Variants in SEZ6 observed in about 807,000 individuals in gnomAD.
The protein encoded by SEZ6 is seizure related 6 homolog.
Under a neutral mutation model 101.0 loss-of-function variants are expected in SEZ6, and 53 were observed. The observed-to-expected ratio is 0.52, with a 90% confidence interval of 0.42 to 0.66. SEZ6 has a LOEUF of 0.66. Among genes scored for constraint, SEZ6 ranks in the 30% least tolerant of loss-of-function variants. The pLI is 0.00. For synonymous variants in SEZ6, 488 were observed against 512.2 expected (o/e 0.95, Z 0.64); for missense variants, 1,102 against 1,289.4 (o/e 0.85, Z 2.23).
At chr17:28,958,898 A>G in intron 10 of SEZ6, 127 bp downstream of exon 10, 5 of 1,074,414 alleles carry the variant, frequency 4.7e-6, no homozygotes, top group Non-Finnish European at 6.6e-6. Flanking sequence ...AGCTTCCTCC[A>G]GGTGATCCCT....
chr17:29,002,091 T>C (rs562986798), intron 1 of SEZ6, among the ~76,000 whole-genome samples: 107 of 149,774 alleles, frequency 7.1e-4, no homozygotes, highest in Middle Eastern at 3.4e-3. Context: ...CTTTCTTCTT[T>C]TTTTTTTTTT....
chr17:28,979,770 G>A lies in SEZ6; in HGVS notation c.768C>T (p.Asp256=). ...TGGGGGAGCTGAGGTCTGTAGGGGA[G>A]TCCAGAGAGCCCTCTGGGCCTGAGA... The part of the protein sequence containing the change: ...WNFSGPEGSL[D]SPTDLSSPTD... The change falls in exon 3 of 17, where the codon GAC becomes GAT. Residue 256 remains aspartate (D), a synonymous_variant. Coordinates refer to ENST00000317338, the MANE Select transcript of SEZ6 (RefSeq NM_178860.5). 1 of 1,613,270 alleles carries A rather than the reference G, an allele frequency of 6.2e-7. No individual in the cohort carries two copies. Among genetic ancestry groups the A allele is most frequent in the Non-Finnish European group, 8.5e-7 (1 of 1,179,590 alleles).
chr17:28,979,102 G>A (rs2041263040), intron 3 of SEZ6, among the ~76,000 whole-genome samples: 1 of 152,152 alleles, frequency 6.6e-6, no homozygotes, highest in South Asian at 2.1e-4. Context: ...GAGCCTGTGG[G>A]ACATCTGTGA....
chr17:28,973,655 T>G (rs1354958726), intron 3 of SEZ6, among the ~76,000 whole-genome samples: 1 of 152,248 alleles, frequency 6.6e-6, no homozygotes, highest in Non-Finnish European at 1.5e-5. Context: ...CTTGTGGGTC[T>G]GCTGCAGTGG....
At chr17:28,977,404 G>T (rs2041235588) in intron 3 of SEZ6, among the ~76,000 whole-genome samples, 4 of 152,274 alleles carry the variant, frequency 2.6e-5, no homozygotes, top group Admixed American at 2.0e-4. Context: ...CAAGGACCCT[G>T]CCCCCATGGC....
chr17:28,974,495 G>A (rs915743477), intron 3 of SEZ6, among the ~76,000 whole-genome samples: 10 of 152,144 alleles, frequency 6.6e-5, no homozygotes, highest in African/African-American at 2.2e-4. Context: ...AAGAACCTTC[G>A]CAGTTTTCAC....
Position 29,004,829 on chromosome 17 carries a change from C to T in SEZ6, c.55+986G>A, listed in dbSNP as rs1057397907. Among the ~76,000 whole-genome samples, 3 of 152,270 alleles carry T rather than the reference C, an allele frequency of 2.0e-5. No individual in the cohort carries two copies. In the South Asian group the frequency reaches 6.2e-4, roughly 32 times the overall value. ...GCTTGTTTGAGCCAGGACGGCAGGT[C>T]CAGACAAGACTCTTCCCCGAGGCAC... On this transcript the variant is annotated intron_variant, in intron 1 of 16. Transcript: ENST00000317338.
rs1475392711 is a variant in SEZ6 at position 29,005,361 on chromosome 17, A to G, written c.55+454T>C. Among the ~76,000 whole-genome samples, 1 of 152,110 alleles carries G rather than the reference A, an allele frequency of 6.6e-6. No homozygotes were observed. The highest frequency in any genetic ancestry group is 2.4e-5 in the African/African-American group (1 of 41,440). ...TCAGTAAGAACACTAGAGGCCCTGG[A>G]ACCGGCGGCAAAGTCGAGCGAAGTT... On this transcript the variant is annotated intron_variant, in intron 1 of 16. Transcript: ENST00000317338. The surrounding 1 kb of genome is among the most constrained non-coding windows in gnomAD (Gnocchi z 4.8).
At position 28,981,679 on chromosome 17, in the gene SEZ6, G is replaced by A. The variant is rs746599273; in HGVS notation, c.416C>T (p.Pro139Leu). ...VPTQPQSKEG[P>L]WSPESESPML... ...AGGGGACTCTGACTCCGGACTCCAG[G>A]GTCCCTCCTTGGACTGGGGCTGAGT... The change falls in exon 2 of 17, where the codon CCC becomes CTC. Residue 139 changes from proline (P) to leucine (L), a missense_variant. Transcript: ENST00000317338. 14 of 1,577,822 alleles carry A rather than the reference G, an allele frequency of 8.9e-6. No homozygotes were observed. Among genetic ancestry groups the A allele is most frequent in the African/African-American group, 8.1e-5 (6 of 74,132 alleles).
At chr17:29,000,586 TGGATGATTCTTA>T (rs995088433) in intron 1 of SEZ6, among the ~76,000 whole-genome samples, 19 of 152,200 alleles carry the variant, frequency 1.2e-4, no homozygotes, top group African/African-American at 4.3e-4. Context: ...ATTGTGGTTC[TGGATGATTCTTA>T]GGCCTCCACC....
In SEZ6 at chr17:29,005,854, G is replaced by C; in HGVS notation, c.16C>G (p.Leu6Val). The C allele has an allele frequency of 6.8e-7, 1 of 1,479,356 alleles. No homozygotes were observed. Among genetic ancestry groups the C allele is most frequent in the Non-Finnish European group, 9.0e-7 (1 of 1,115,470 alleles). 91.6% of individuals were successfully genotyped at this position (1,479,356 alleles called of 1,614,324 possible). A position where few individuals can be genotyped will look rare whatever the true frequency, so the allele number is the denominator to read the frequency against. Reference protein sequence around the residue: MRPVALLLLPSLLALL... With the variant: MRPVAVLLLPSLLALL... ...GCCAGCAGCGAGGGCAGGAGCAGCA[G>C]GGCTACCGGGCGCATGGTGCTGGTT... The change falls in exon 1 of 17, where the codon CTG becomes GTG. Residue 6 changes from leucine to valine, a missense_variant. This residue lies in a region of SEZ6 where 406 missense variants were observed against 418.6 expected (regional missense o/e 0.97). Coordinates refer to ENST00000317338, the MANE Select transcript of SEZ6 (RefSeq NM_178860.5). The surrounding 1 kb of genome is among the most constrained non-coding windows in gnomAD (Gnocchi z 4.8).
rs572950620 is a variant in SEZ6, at chr17:28,993,938, C to G, written c.55+11877G>C. Among the ~76,000 whole-genome samples, 279 of 152,360 alleles carry G rather than the reference C, an allele frequency of 1.8e-3. 1 individual carries two copies. Among genetic ancestry groups the G allele is most frequent in the African/African-American group, 6.4e-3 (265 of 41,580 alleles). ...AGGGGCTTGTTTTGTGCACCAGGAC[C>G]AAAGTTACCTCCCTGACTTTGTGAC... On this transcript the variant is annotated intron_variant, in intron 1 of 16. Coordinates refer to ENST00000317338, the MANE Select transcript of SEZ6 (RefSeq NM_178860.5).
In SEZ6 at chr17:28,981,824, C is replaced by T. The variant is rs1483906515; in HGVS notation, c.271G>A (p.Ala91Thr). Residue 91 changes from alanine to threonine, a missense_variant, in exon 2 of 17, where the codon GCA (alanine) becomes ACA (threonine). Ala to Thr is a moderately conservative substitution (Grantham distance 58, BLOSUM62 0). Around this residue, in one of 3 missense-constraint regions of SEZ6, gnomAD observed 406 missense variants for 418.6 expected, o/e 0.97. Transcript: ENST00000317338. ...LEKGDEELRP[A>T]LPFQPDPPAP... ...GGTGGGTCAGGCTGGAAGGGCAGTG[C>T]TGGCCTCAGCTCCTCATCTCCCTTT... The T allele has an allele frequency of 6.2e-7, 1 of 1,613,878 alleles. No homozygotes were observed. Among genetic ancestry groups the T allele is most frequent in the Non-Finnish European group, 8.5e-7 (1 of 1,179,818 alleles).
rs1682529946 is a variant in SEZ6 at position 28,956,340 on chromosome 17, C to T, written c.2849+10G>A. ...CAGGTATGCAGAGCAGAAAGAGAAG[C>T]CAGACTCACCTGGAGAAGTAGAAGT... is the stretch of plus-strand genomic sequence containing the variant. On this transcript the variant is annotated intron_variant, in intron 15 of 16. Coordinates refer to ENST00000317338, the MANE Select transcript of SEZ6 (RefSeq NM_178860.5). The T allele has an allele frequency of 1.9e-6, 3 of 1,573,596 alleles. No homozygotes were observed. Among genetic ancestry groups the T allele is most frequent in the Non-Finnish European group, 2.6e-6 (3 of 1,159,016 alleles).
At chr17:28,993,636 C>T (rs944734752) in intron 1 of SEZ6, among the ~76,000 whole-genome samples, 2 of 152,208 alleles carry the variant, frequency 1.3e-5, no homozygotes, top group Admixed American at 6.5e-5. Flanking sequence ...ATAGCATCCC[C>T]TCCATCCTTT....
At chr17:28,960,202 A>G in intron 7 of SEZ6, 2 of 573,826 alleles carry the variant, frequency 3.5e-6, no homozygotes, top group East Asian at 3.0e-5. Context: ...TGGTTCTAGA[A>G]TGTCTCTTAC....
At position 28,959,993 on chromosome 17, in the gene SEZ6, G is replaced by T; in HGVS notation, c.1577-101C>A. The T allele has an allele frequency of 7.8e-7, 1 of 1,289,962 alleles. No individual in the cohort carries two copies. The highest frequency in any genetic ancestry group is 1.1e-6 in the Non-Finnish European group (1 of 939,650). The allele number at this position is 1,289,962 out of a possible 1,614,324, so 79.9% of individuals were successfully genotyped here. ...CTCCCCAGAGCCTTTCTTTTCCTGGGTACGAATGACAAATATATGTCCTGG... is the reference window on the plus strand; with the variant it reads ...CTCCCCAGAGCCTTTCTTTTCCTGGTTACGAATGACAAATATATGTCCTGG... On this transcript the variant is annotated intron_variant, in intron 7 of 16. Transcript: ENST00000317338. The surrounding 1 kb of genome is among the most constrained non-coding windows in gnomAD (Gnocchi z 4.4).
chr17:28,969,404 C>T (rs1221545615), intron 4 of SEZ6, among the ~76,000 whole-genome samples: 1 of 152,154 alleles, frequency 6.6e-6, no homozygotes, highest in African/African-American at 2.4e-5. Context: ...GGACAAGGAC[C>T]TTGGTGCATC....
chr17:28,964,877 A>C (rs1326794887), intron 4 of SEZ6, among the ~76,000 whole-genome samples: 1 of 151,628 alleles, frequency 6.6e-6, no homozygotes, highest in African/African-American at 2.4e-5. Context: ...ACCAACATGG[A>C]TAAACCCCGT....
Sources: allele counts gnomAD v4.1 joint callset (sites outside exome capture counted in the v4.1 genomes callset), GRCh38; gene constraint gnomAD v4.1.1; regional missense constraint gnomAD v4.1.1; non-coding constraint Gnocchi (gnomAD v3.1); transcripts MANE v1.5; gene names NCBI Gene and HGNC (gene_info 2026-07-23, HGNC 2026-07-21).